FANCA: variants seen among roughly 807,000 people sequenced by gnomAD.
The protein encoded by FANCA is FA complementation group A.
A neutral mutation model predicts 194.3 loss-of-function variants in FANCA; 236 were observed. The ratio of observed to expected loss-of-function variants is 1.21; its 90% CI spans 1.09 to 1.35. The LOEUF is 1.35. Ranked by LOEUF, FANCA falls within the 40% of genes most tolerant of loss-of-function variation. The pLI, the probability that FANCA is intolerant of heterozygous loss-of-function variation, is 0.00. For synonymous variants in FANCA, 1,014 were observed against 715.8 expected, an observed-to-expected ratio of 1.42 and a Z score of -6.65; for missense variants, 2,628 against 1,813.9, an observed-to-expected ratio of 1.45 and a Z score of -8.15.
intron 28 of FANCA, among the ~76,000 whole-genome samples, chr16:89,762,386 G>T (rs2038980336): frequency 7.4e-6 from 1 of 134,418 alleles, no homozygotes; most frequent in Admixed American, 7.1e-5. Context: ...TTGAGCCTAG[G>T]AGTTTGACAC....
chr16:89,767,947 A>G (rs1429123114), intron 26 of FANCA, among the ~76,000 whole-genome samples: 3 of 152,046 alleles, frequency 2.0e-5, no homozygotes, highest in African/African-American at 4.8e-5. Context: ...CAGCCACTCA[A>G]AGTGCTGGGA....
chr16:89,784,078 G>A (rs978058382), intron 15 of FANCA, among the ~76,000 whole-genome samples: 5 of 151,996 alleles, frequency 3.3e-5, no homozygotes, highest in African/African-American at 7.2e-5. Context: ...TAAAAGATGA[G>A]GGTCAGGCTG....
At chr16:89,760,007 C>A (rs2038899096) in intron 29 of FANCA, among the ~76,000 whole-genome samples, 1 of 152,226 alleles carries the variant, frequency 6.6e-6, no homozygotes, top group Non-Finnish European at 1.5e-5. Context: ...GTGCTCCACC[C>A]ACGCTGTCCG....
At chr16:89,761,201 C>T (rs878908215) in intron 29 of FANCA, among the ~76,000 whole-genome samples, 2 of 152,136 alleles carry the variant, frequency 1.3e-5, no homozygotes, top group South Asian at 2.1e-4. Flanking sequence ...AAGTGGATCA[C>T]GAGGTCAGGA....
chr16:89,738,813 G>A, intron 42 of FANCA, 69 bp downstream of exon 42: 4 of 1,613,906 alleles, frequency 2.5e-6, no homozygotes, highest in Non-Finnish European at 2.5e-6. Context: ...AGCCAGGCAG[G>A]CACATGGCCC....
chr16:89,737,755 C>A lies in FANCA; in HGVS notation c.*846G>T. On this transcript the variant is annotated 3_prime_UTR_variant, in exon 43 of 43. Coordinates refer to ENST00000389301, the MANE Select transcript of FANCA (RefSeq NM_000135.4). The stretch of plus-strand genomic sequence containing the variant: ...TTTCACATTGTCATCGTCGTCCCCC[C>A]GGGAGGTTGGAGCATCAGGGGCCTG... 2 of 1,610,530 alleles carry A rather than the reference C, an allele frequency of 1.2e-6. No homozygotes were observed. The highest frequency in any genetic ancestry group is 2.2e-5 in the South Asian group (2 of 90,726).
chr16:89,767,597 G>T (rs540816196), intron 26 of FANCA, among the ~76,000 whole-genome samples: 12 of 151,976 alleles, frequency 7.9e-5, no homozygotes, highest in African/African-American at 2.9e-4. Context: ...TTGCCAAGCC[G>T]GAGTAGAGTG....
chr16:89,787,849 A>T (rs1037270001), intron 14 of FANCA, among the ~76,000 whole-genome samples: 1 of 151,918 alleles, frequency 6.6e-6, no homozygotes, highest in Non-Finnish European at 1.5e-5. Flanking sequence ...TGGTCTACTT[A>T]TATTAACATT....
At chr16:89,803,164 A>T (rs2040516023) in intron 8 of FANCA, 95 bp downstream of exon 8, 1 of 1,175,658 alleles carries the variant, frequency 8.5e-7, no homozygotes. Flanking sequence ...AGGTACAAAC[A>T]GCACGTTTCA....
intron 30 of FANCA, among the ~76,000 whole-genome samples, chr16:89,753,019 T>C (rs17233385): frequency 0.06 from 9,100 of 152,346 alleles, 418 homozygotes; most frequent in East Asian, 0.22. Flanking sequence ...TCAGTGGTCA[T>C]GCTCCTAGTC....
intron 23 of FANCA, among the ~76,000 whole-genome samples, chr16:89,770,948 T>TCTAA (rs2039303385): frequency 6.6e-6 from 1 of 152,070 alleles, no homozygotes; most frequent in Admixed American, 6.6e-5. Flanking sequence ...TGTCGCATAT[T>TCTAA]CTAAAGAGGC....
At chr16:89,784,679 A>G (rs1318410905) in intron 15 of FANCA, among the ~76,000 whole-genome samples, 175 bp downstream of exon 15, 1 of 151,260 alleles carries the variant, frequency 6.6e-6, no homozygotes, top group South Asian at 2.2e-4. Flanking sequence ...TCCAGTTGCA[A>G]TGTTTGTGTT....
chr16:89,788,709 AGG>A (rs2039974413), intron 14 of FANCA, among the ~76,000 whole-genome samples: 1 of 152,120 alleles, frequency 6.6e-6, no homozygotes, highest in Non-Finnish European at 1.5e-5. Context: ...CGGAGGCAGG[AGG>A]ACTGCTTGAC....
chr16:89,792,004 T>G lies in FANCA; in HGVS notation c.1148A>C (p.Glu383Ala). The change falls in exon 13 of 43, where the codon GAG (glutamate) becomes GCG (alanine). Residue 383 changes from glutamate (E) to alanine (A), a missense_variant. Physicochemically the swap from Glu to Ala is moderately radical, Grantham distance 107. Coordinates refer to ENST00000389301, the MANE Select transcript of FANCA (RefSeq NM_000135.4). ...GHLQEVLETQ[E>A]VHWQRVLSFV... is the part of the protein sequence containing the mutation. ...GGAGAGCACTCTCTGCCAGTGAACC[T>G]CCTGCGTTTCCAGAACTTCTTGCAA... The G allele has an allele frequency of 1.9e-6, 3 of 1,614,178 alleles. No homozygotes were observed. Among genetic ancestry groups the G allele is most frequent in the Non-Finnish European group, 2.5e-6 (3 of 1,180,012 alleles).
At position 89,805,309 on chromosome 16, in the gene FANCA, T is replaced by C. The variant is rs1416950050; in HGVS notation, c.680A>G (p.His227Arg). 4.3e-6 allele frequency: 7 copies of C among 1,613,902 alleles called. No homozygotes were observed. The highest frequency in any genetic ancestry group is 5.9e-6 in the Non-Finnish European group (7 of 1,179,946). The change falls in exon 7 of 43, where the codon CAT becomes CGT. Residue 227 changes from histidine (H) to arginine (R), a missense_variant. By Grantham distance (29) the His-to-Arg change is conservative. Transcript: ENST00000389301. ...AAGCATGGCCCTGGCGACGTCAGCATGCTGGCAGGATGCTTCCATCTGTTC... is the reference window on the plus strand; with the variant it reads ...AAGCATGGCCCTGGCGACGTCAGCACGCTGGCAGGATGCTTCCATCTGTTC... ...LCEQMEASCQ[H>R]ADVARAMLSD...
intron 21 of FANCA, among the ~76,000 whole-genome samples, chr16:89,774,497 G>A (rs1440781209): frequency 4.6e-5 from 7 of 152,086 alleles, no homozygotes; most frequent in South Asian, 2.1e-4. Flanking sequence ...GTGGGAGGCC[G>A]AGGCGGGTGG....
chr16:89,798,644 C>A, intron 10 of FANCA: 1 of 1,192,542 alleles, frequency 8.4e-7, no homozygotes, highest in Non-Finnish European at 1.0e-6. Flanking sequence ...TTCCGCCTCC[C>A]GACCTGTAAG....
At chr16:89,773,246 A>T (rs1347114574) in intron 22 of FANCA, 25 bp downstream of exon 22, 1 of 1,517,790 alleles carries the variant, frequency 6.6e-7, no homozygotes, top group Non-Finnish European at 8.9e-7. Flanking sequence ...CATGAGACAC[A>T]GCATGAGCTC....
chr16:89,782,118 A>G (rs546796791), intron 17 of FANCA, among the ~76,000 whole-genome samples: 4 of 148,780 alleles, frequency 2.7e-5, no homozygotes, highest in African/African-American at 9.9e-5. Flanking sequence ...GCTCACACCT[A>G]TAATCCCAGC....
Sources: allele counts gnomAD v4.1 joint callset (sites outside exome capture counted in the v4.1 genomes callset), GRCh38; gene constraint gnomAD v4.1.1; transcripts MANE v1.5; gene names NCBI Gene and HGNC (gene_info 2026-07-23, HGNC 2026-07-21).